PLEC: variants seen among roughly 807,000 people sequenced by gnomAD.
The protein encoded by PLEC is plectin.
In PLEC, 216 loss-of-function variants were observed where a neutral mutation model predicts 392.8. The observed-to-expected ratio is 0.55, with a 90% CI of 0.49 to 0.62. The LOEUF is 0.62. PLEC is among the 20% of genes least tolerant of loss of function. The pLI, the probability that PLEC is intolerant of heterozygous loss-of-function variation, is 0.00. For missense variants in PLEC, 6,863 were observed against 6,563.4 expected (o/e 1.05, Z -1.58); for synonymous variants, 3,621 against 2,980.6 (o/e 1.21, Z -7.00).
chr8:143,956,481 C>T (rs898480002), upstream of PLEC, among the ~76,000 whole-genome samples: 1 of 152,178 alleles, frequency 6.6e-6, no homozygotes, highest in Non-Finnish European at 1.5e-5. Flanking sequence ...GGCAGAAGGA[C>T]GGCTTGAACC....
At chr8:143,976,522 G>A (rs759900964), upstream of PLEC, among the ~76,000 whole-genome samples, 7 of 152,078 alleles carry the variant, frequency 4.6e-5, no homozygotes, top group Non-Finnish European at 1.0e-4. Flanking sequence ...CCCGGGCACC[G>A]CCCGTCCAGT....
In PLEC at chr8:143,923,833, C is replaced by T. The variant is rs564245730; in HGVS notation, c.6096G>A (p.Ser2032=). The T allele has an allele frequency of 6.9e-5, 110 of 1,587,366 alleles. 1 individual carries two copies. The Middle Eastern group carries it at 8.5e-4, about 12-fold the overall frequency. ...CCTGGGCCAGCTGCAGCTGCCGCGC[C>T]GACTCCTGCTCCGCTCGCTCCCGCA... The part of the protein sequence containing the change: ...RRLRERAEQE[S]ARQLQLAQEA... The change falls in exon 31 of 32, where the codon TCG becomes TCA. Residue 2032 remains serine, a synonymous_variant. Transcript: ENST00000345136.
chr8:143,928,035 G>A (rs1461981120), intron 25 of PLEC, 43 bp from the exon 26 acceptor site: 4 of 1,557,764 alleles, frequency 2.6e-6, no homozygotes, highest in African/African-American at 2.7e-5. Flanking sequence ...TGGGGCTCGA[G>A]CAATAGCCCA....
Position 143,934,538 on chromosome 8 carries a change from C to T in PLEC, c.1042-93G>A, listed in dbSNP as rs11782433. On this transcript the variant is annotated intron_variant, in intron 10 of 31. Coordinates refer to ENST00000345136, the MANE Select transcript of PLEC (RefSeq NM_201384.3). ...CCCCAGCCCACCAGACCTGGGACAGCCCTGGTCCCAAAGGCAGGGCCAGGT... is the reference window on the plus strand; with the variant it reads ...CCCCAGCCCACCAGACCTGGGACAGTCCTGGTCCCAAAGGCAGGGCCAGGT... The T allele has an allele frequency of 0.37, 587,257 of 1,598,460 alleles. 113,073 individuals are homozygous for T. Among genetic ancestry groups the T allele is most frequent in the Non-Finnish European group, 0.4 (462,322 of 1,168,218 alleles).
chr8:143,923,035 C>T lies in PLEC; in HGVS notation c.6894G>A (p.Glu2298=), dbSNP rs1564014267. The T allele has an allele frequency of 1.7e-5, 28 of 1,611,610 alleles. No individual in the cohort carries two copies. Among genetic ancestry groups the T allele is most frequent in the Non-Finnish European group, 2.3e-5 (27 of 1,179,734 alleles). The change falls in exon 31 of 32, where the codon GAG becomes GAA. Residue 2298 remains glutamate (E), a synonymous_variant. Coordinates refer to ENST00000345136, the MANE Select transcript of PLEC (RefSeq NM_201384.3). ...AGGCCCGCTGCTGTGCCAGGTCCTC[C>T]TCTGCCAGCTGCCGCAGTCGCGCAG... ...QEAARLRQLA[E]EDLAQQRALA...
At position 143,934,298 on chromosome 8, in the gene PLEC, C is replaced by G. The variant is rs1554720549; in HGVS notation, c.1169+20G>C. The G allele has an allele frequency of 6.2e-7, 1 of 1,611,002 alleles. No individual in the cohort carries two copies. Among genetic ancestry groups the G allele is most frequent in the Non-Finnish European group, 8.5e-7 (1 of 1,179,786 alleles). On this transcript the variant is annotated intron_variant, in intron 11 of 31. Transcript: ENST00000345136. ...ACACACCCTCGGGTGGTTCCCCTGC[C>G]ACCACAGGGCCCCACCCACCTCTCA...
At chr8:143,973,581 GC>G, upstream of PLEC, 1 of 965,156 alleles carries the variant, frequency 1.0e-6, no homozygotes, top group Non-Finnish European at 1.2e-6. This position sits in a 1 kb window ranked among gnomAD's most constrained non-coding sequence, Gnocchi z 5.6. Context: ...CCCCGCCCCC[GC>G]CCCGCCCCCG....
In PLEC at chr8:143,921,643, G is replaced by A. The variant is rs1822764646; in HGVS notation, c.8178C>T (p.Ala2726=). The change falls in exon 32 of 32, where the codon GCC becomes GCT. Residue 2726 remains alanine, a synonymous_variant. Coordinates refer to ENST00000345136, the MANE Select transcript of PLEC (RefSeq NM_201384.3). The part of the protein sequence containing the change: ...LQRQLLSPGT[A]LILLEAQAAS... ...CCGCCTGCGCCTCCAGCAGGATGAG[G>A]GCCGTGCCGGGACTCAGCAGCTGCC... The A allele has an allele frequency of 3.1e-6, 5 of 1,613,012 alleles. No individual in the cohort carries two copies. The highest frequency in any genetic ancestry group is 4.5e-5 in the East Asian group (2 of 44,858).
chr8:143,931,857 G>T, intron 18 of PLEC, 80 bp downstream of exon 18: 1 of 1,436,162 alleles, frequency 7.0e-7, no homozygotes, highest in South Asian at 1.2e-5. Flanking sequence ...GAGGGCTCCT[G>T]ATTGGAGCTG....
chr8:143,927,356 A>G (rs2131595572), intron 27 of PLEC, 21 bp from the exon 28 acceptor site: 1 of 1,612,034 alleles, frequency 6.2e-7, no homozygotes, highest in Non-Finnish European at 8.5e-7. Flanking sequence ...GTGTGGTCAG[A>G]GCCGTGGCCG....
chr8:143,925,943 T>TGACGGGGCACGCACC, intron 30 of PLEC, 59 bp from the exon 31 acceptor site: 1 of 1,499,612 alleles, frequency 6.7e-7, no homozygotes, highest in South Asian at 1.2e-5. Flanking sequence ...GGGCAGGCGC[T>TGACGGGGCACGCACC]GACGGGGCAC....
At chr8:143,953,425 T>C (rs1436584977), upstream of PLEC, among the ~76,000 whole-genome samples, 4 of 151,592 alleles carry the variant, frequency 2.6e-5, no homozygotes, top group African/African-American at 9.7e-5. Context: ...AAGGCTGAGC[T>C]CCCACTGTGT....
rs781976896 is a variant in PLEC at position 143,919,526 on chromosome 8, G to A, written c.10295C>T (p.Ala3432Val). The A allele has an allele frequency of 1.2e-6, 2 of 1,611,708 alleles. No homozygotes were observed. Among genetic ancestry groups the A allele is most frequent in the Admixed American group, 3.3e-5 (2 of 60,014 alleles). Residue 3432 changes from alanine to valine, a missense_variant, in exon 32 of 32, where the codon GCC becomes GTC. By Grantham distance (64) the Ala-to-Val change is moderately conservative. Coordinates refer to ENST00000345136, the MANE Select transcript of PLEC (RefSeq NM_201384.3). ...GTAGGGGTCTCTGTAGCCGGTGACGGCCTTCTCGGCAGACAGCAGCTGCTC... is the reference window on the plus strand; with the variant it reads ...GTAGGGGTCTCTGTAGCCGGTGACGACCTTCTCGGCAGACAGCAGCTGCTC... The part of the protein sequence containing the change: ...LHEQLLSAEK[A>V]VTGYRDPYSG...
Position 143,924,796 on chromosome 8 carries a change from C to T in PLEC, c.5133G>A (p.Ala1711=), listed in dbSNP as rs782100942. The change falls in exon 31 of 32, where the codon GCG becomes GCA. Residue 1711 remains alanine, a synonymous_variant. Coordinates refer to ENST00000345136, the MANE Select transcript of PLEC (RefSeq NM_201384.3). The part of the protein sequence containing the change: ...AEGTAQQRLA[A]EQELIRLRAE... ...CCCGCAGCCGGATCAACTCCTGCTC[C>T]GCGGCCAGGCGCTGCTGCGCGGTGC... 3.2e-5 allele frequency: 49 copies of T among 1,536,766 alleles called. 1 individual carries two copies. The highest frequency in any genetic ancestry group is 3.3e-4 in the Middle Eastern group (2 of 5,988).
chr8:143,920,077 G>C lies in PLEC; in HGVS notation c.9744C>G (p.Gly3248=). Residue 3248 remains glycine (G), a synonymous_variant, in exon 32 of 32, where the codon GGC becomes GGG. Transcript: ENST00000345136. ...PVEVPVGGFK[G]RTVTVWELIS... ...TGAGCTCCCACACCGTCACCGTCCT[G>C]CCCTTGAAGCCACCCACGGGGACCT... 6.2e-7 allele frequency: 1 copy of C among 1,613,242 alleles called. No individual in the cohort carries two copies. Among genetic ancestry groups the C allele is most frequent in the Non-Finnish European group, 8.5e-7 (1 of 1,180,026 alleles).
intron 1 of PLEC, among the ~76,000 whole-genome samples, chr8:143,959,536 T>C (rs1832765756): frequency 6.6e-6 from 1 of 152,218 alleles, no homozygotes. Flanking sequence ...TCCCGCTGGC[T>C]CTGCCAGGAG....
rs1554668985 is a variant in PLEC at position 143,916,405 on chromosome 8, C to T, written c.13416G>A (p.Lys4472=). Residue 4472 remains lysine, a synonymous_variant, in exon 32 of 32, where the codon AAG becomes AAA. Transcript: ENST00000345136. The part of the protein sequence containing the change: ...RLLEAAAQST[K]GYYSPYSVSG... ...TGACGCTGTAGGGGCTGTAGTAGCC[C>T]TTGGTGGACTGCGCGGCAGCCTCCA... The T allele has an allele frequency of 5.0e-6, 8 of 1,611,438 alleles. No homozygotes were observed. The highest frequency in any genetic ancestry group is 2.5e-6 in the Non-Finnish European group (3 of 1,179,362).
In PLEC at chr8:143,924,798, C is replaced by T. The variant is rs781937167; in HGVS notation, c.5131G>A (p.Ala1711Thr). 2.1e-5 allele frequency: 32 copies of T among 1,537,306 alleles called. No homozygotes were observed. The highest frequency in any genetic ancestry group is 1.7e-4 in the South Asian group (14 of 84,316). Reference protein sequence around the residue: ...AEGTAQQRLAAEQELIRLRAE... With the variant: ...AEGTAQQRLATEQELIRLRAE... Reference sequence around the variant, plus strand: ...CGCAGCCGGATCAACTCCTGCTCCGCGGCCAGGCGCTGCTGCGCGGTGCCT... The same window carrying T: ...CGCAGCCGGATCAACTCCTGCTCCGTGGCCAGGCGCTGCTGCGCGGTGCCT... The change falls in exon 31 of 32, where the codon GCG becomes ACG. Residue 1711 changes from alanine (A) to threonine (T), a missense_variant. Transcript: ENST00000345136.
chr8:143,920,942 ATGATGATCT>A lies in PLEC; in HGVS notation c.8870_8878del (p.Lys2957_Ile2959del). On this transcript the variant is annotated inframe_deletion, in exon 32 of 32. Coordinates refer to ENST00000345136, the MANE Select transcript of PLEC (RefSeq NM_201384.3). ...CTGCTCCTGCTCCTCCACCACCGTG[ATGATGATCT>A]TGATGATCTTCTCCACTGTGATCCG... 1 of 1,612,996 alleles carries A rather than the reference ATGATGATCT, an allele frequency of 6.2e-7. No individual in the cohort carries two copies.
Sources: gnomAD v4.1 joint callset for allele counts (sites outside exome capture counted in the v4.1 genomes callset) on GRCh38, gnomAD v4.1.1 for gene constraint, Gnocchi (gnomAD v3.1) non-coding constraint, MANE v1.5 for transcripts, NCBI Gene and HGNC (gene_info 2026-07-23, HGNC 2026-07-21) for gene names.